Variants in RCOR1 observed in about 807,000 individuals in gnomAD.
RCOR1 encodes REST corepressor 1.
A neutral mutation model predicts 64.0 loss-of-function variants in RCOR1; 12 were observed. That is an observed-to-expected ratio of 0.19 (90% CI 0.12 to 0.30). The LOEUF (loss-of-function observed/expected upper bound fraction) is 0.30. Among genes scored for constraint, RCOR1 ranks in the 10% least tolerant of loss-of-function variants. The pLI is 1.00. For missense variants in RCOR1, 502 were observed against 621.2 expected, an observed-to-expected ratio of 0.81 and a Z score of 2.04; for synonymous variants, 279 against 227.2, an observed-to-expected ratio of 1.23 and a Z score of -2.05.
intron 2 of RCOR1, among the ~76,000 whole-genome samples, chr14:102,615,128 G>GCCC (rs11382616): frequency 4.0e-3 from 532 of 132,374 alleles, no homozygotes; most frequent in Non-Finnish European, 4.8e-3. Context: ...ATAGTGCCCG[G>GCCC]CCCCCCCGCC....
intron 2 of RCOR1, among the ~76,000 whole-genome samples, chr14:102,618,738 C>T (rs181789301): frequency 1.3e-5 from 2 of 152,262 alleles, no homozygotes; most frequent in East Asian, 3.9e-4. Context: ...TTTCCATGGT[C>T]ATAAAATACC....
intron 2 of RCOR1, among the ~76,000 whole-genome samples, chr14:102,624,540 T>C (rs947499913): frequency 2.0e-5 from 3 of 151,370 alleles, no homozygotes; most frequent in Admixed American, 6.6e-5. Flanking sequence ...CACAATAAAA[T>C]AGATCGCTTG....
chr14:102,700,999 G>A (rs1034474717), intron 3 of RCOR1, among the ~76,000 whole-genome samples: 1 of 152,214 alleles, frequency 6.6e-6, no homozygotes, highest in African/African-American at 2.4e-5. Flanking sequence ...GAGAGCTTGT[G>A]CAGGGAAACT....
chr14:102,635,054 G>A (rs112832308), intron 2 of RCOR1, among the ~76,000 whole-genome samples: 1 of 151,690 alleles, frequency 6.6e-6, no homozygotes, highest in South Asian at 2.1e-4. Context: ...GGTTGGTCTT[G>A]AACTCCTGGC....
At chr14:102,716,647 C>T (rs1242348579) in intron 8 of RCOR1, among the ~76,000 whole-genome samples, 1 of 152,186 alleles carries the variant, frequency 6.6e-6, no homozygotes, top group Non-Finnish European at 1.5e-5. Context: ...CTTTGTTTTA[C>T]ATCCAGTGTC....
At chr14:102,673,375 G>C (rs151187331) in intron 2 of RCOR1, among the ~76,000 whole-genome samples, 3,429 of 147,084 alleles carry the variant, frequency 0.023, 127 homozygotes, top group African/African-American at 0.077. Flanking sequence ...CTCCCTCTGT[G>C]GCCCAGGCTG....
At chr14:102,606,934 GTTT>G (rs11464849) in intron 2 of RCOR1, among the ~76,000 whole-genome samples, 27 of 112,078 alleles carry the variant, frequency 2.4e-4, no homozygotes, top group South Asian at 5.8e-4. Flanking sequence ...TTTTGTGTTA[GTTT>G]TTTTTTTTTT....
intron 2 of RCOR1, among the ~76,000 whole-genome samples, chr14:102,651,379 C>T (rs920917045): frequency 9.2e-5 from 14 of 151,846 alleles, no homozygotes; most frequent in Admixed American, 7.9e-4. Context: ...ACAGTGAAAC[C>T]CCGTCTCTAC....
At chr14:102,632,486 C>G (rs879788397) in intron 2 of RCOR1, among the ~76,000 whole-genome samples, 1 of 151,338 alleles carries the variant, frequency 6.6e-6, no homozygotes, top group Non-Finnish European at 1.5e-5. Context: ...ATTACAAGCG[C>G]GAGCCACCGC....
At chr14:102,724,902 C>A (rs974703171) in intron 11 of RCOR1, among the ~76,000 whole-genome samples, 1 of 152,146 alleles carries the variant, frequency 6.6e-6, no homozygotes, top group Non-Finnish European at 1.5e-5. Context: ...GGTGTCTTGC[C>A]TGTCCCTTCT....
chr14:102,679,861 C>A (rs1462312102), intron 2 of RCOR1, among the ~76,000 whole-genome samples: 31 of 152,168 alleles, frequency 2.0e-4, no homozygotes, highest in Non-Finnish European at 2.9e-5. Flanking sequence ...TGTAAGTCTT[C>A]CAACTTTGCT....
intron 2 of RCOR1, among the ~76,000 whole-genome samples, chr14:102,639,560 G>GTC (rs1894321454): frequency 6.8e-6 from 1 of 148,100 alleles, no homozygotes; most frequent in African/African-American, 2.5e-5. Context: ...TTGAGATGGA[G>GTC]TCTCGCTCTG....
At chr14:102,634,692 G>A (rs28376042) in intron 2 of RCOR1, among the ~76,000 whole-genome samples, 1 of 150,022 alleles carries the variant, frequency 6.7e-6, no homozygotes, top group Non-Finnish European at 1.5e-5. Context: ...ATATATATAT[G>A]TGTGTATATA....
At chr14:102,609,423 G>T (rs538562371) in intron 2 of RCOR1, among the ~76,000 whole-genome samples, 139 of 151,926 alleles carry the variant, frequency 9.1e-4, no homozygotes, top group Non-Finnish European at 1.6e-3. Flanking sequence ...AACGTATGAG[G>T]GTTTCAATAT....
At chr14:102,607,332 C>T (rs1893531580) in intron 2 of RCOR1, among the ~76,000 whole-genome samples, 2 of 152,164 alleles carry the variant, frequency 1.3e-5, no homozygotes, top group Admixed American at 6.6e-5. Flanking sequence ...CAGTTAAAAG[C>T]TGATTATCCC....
chr14:102,653,080 G>A (rs1359743157), intron 2 of RCOR1, among the ~76,000 whole-genome samples: 2 of 151,186 alleles, frequency 1.3e-5, no homozygotes, highest in Non-Finnish European at 3.0e-5. Flanking sequence ...CTAGAGGCGC[G>A]CGCCAGCCAA....
chr14:102,662,462 G>T (rs1255070040), intron 2 of RCOR1: 1 of 540,858 alleles, frequency 1.8e-6, no homozygotes, highest in Non-Finnish European at 3.6e-6. Context: ...GGCAGACTCA[G>T]TGGTCAGCGG....
At chr14:102,613,176 A>G (rs1039497289) in intron 2 of RCOR1, among the ~76,000 whole-genome samples, 3 of 151,952 alleles carry the variant, frequency 2.0e-5, no homozygotes, top group Non-Finnish European at 4.4e-5. Flanking sequence ...ATCTCGGCTC[A>G]TTGCAACCTT....
chr14:102,648,436 G>T (rs1439800283), intron 2 of RCOR1, among the ~76,000 whole-genome samples: 1 of 152,096 alleles, frequency 6.6e-6, no homozygotes, highest in Non-Finnish European at 1.5e-5. Flanking sequence ...AATTTATCTT[G>T]TATGTTCTCT....
Sources: allele counts gnomAD v4.1 joint callset (sites outside exome capture counted in the v4.1 genomes callset), GRCh38; gene constraint gnomAD v4.1.1; transcripts MANE v1.5; gene names NCBI Gene and HGNC (gene_info 2026-07-23, HGNC 2026-07-21).